Variants in TLN2 observed in about 807,000 individuals in gnomAD.
TLN2 encodes talin 2.
A neutral mutation model predicts 294.7 loss-of-function variants in TLN2; 118 were observed. That is an observed-to-expected ratio of 0.40 (90% CI 0.34 to 0.47). TLN2 has a LOEUF of 0.47. Among genes scored for constraint, TLN2 ranks in the 20% least tolerant of loss-of-function variants. The probability of loss-of-function intolerance (pLI) is 0.84; values close to 1 mark genes in which losing one functional copy is unlikely to be tolerated. For synonymous variants in TLN2, 1,431 were observed against 1,304.5 expected, an observed-to-expected ratio of 1.10 and a Z score of -2.09; for missense variants, 3,083 against 3,282.2, an observed-to-expected ratio of 0.94 and a Z score of 1.48.
chr15:62,671,298 A>AT (rs1217695382), intron 9 of TLN2, among the ~76,000 whole-genome samples: 5 of 151,880 alleles, frequency 3.3e-5, no homozygotes, highest in Middle Eastern at 3.4e-3. Flanking sequence ...AGTCCATTTT[A>AT]TTTTTTTTCT....
At chr15:62,739,283 C>G in intron 30 of TLN2, 65 bp from the exon 31 acceptor site, 1 of 1,530,836 alleles carries the variant, frequency 6.5e-7, no homozygotes. Flanking sequence ...TTCCACAATA[C>G]CTTCCTTTTA....
intron 1 of TLN2, among the ~76,000 whole-genome samples, chr15:62,516,091 C>G (rs117841305): frequency 0.02 from 3,004 of 152,306 alleles, 33 homozygotes; most frequent in Non-Finnish European, 0.028. Flanking sequence ...ATGCAACCAT[C>G]TCTTTTTACA....
chr15:62,726,645 G>A (rs16945577), intron 27 of TLN2, among the ~76,000 whole-genome samples: 51,309 of 152,042 alleles, frequency 0.34, 9,011 homozygotes, highest in East Asian at 0.42. Flanking sequence ...GGAAGGTGGT[G>A]CAGCTGGATG....
rs1220866636 is a variant in TLN2, at chr15:62,492,569, G to GA, written c.-237-97110dup. Among the ~76,000 whole-genome samples the GA allele has an allele frequency of 1.8e-3, 258 of 145,786 alleles. 2 individuals are homozygous for GA. Among genetic ancestry groups the GA allele is most frequent in the African/African-American group, 6.2e-3 (245 of 39,722 alleles). ...AAAAAAAAAAAAAAAAAGAAAAAAA[G>GA]AAAAAAAACTATTCCAATAATCCCA... On this transcript the variant is annotated intron_variant, in intron 1 of 58. Coordinates refer to ENST00000636159, the MANE Select transcript of TLN2 (RefSeq NM_015059.3).
At chr15:62,651,926 A>G in intron 5 of TLN2, 79 bp from the exon 6 acceptor site, 2 of 1,430,580 alleles carry the variant, frequency 1.4e-6, no homozygotes, top group Non-Finnish European at 1.9e-6. Flanking sequence ...TTTAAAATTC[A>G]TTTTTTAAAG....
At chr15:62,548,301 G>C (rs546115748) in intron 1 of TLN2, among the ~76,000 whole-genome samples, 2 of 152,272 alleles carry the variant, frequency 1.3e-5, no homozygotes, top group African/African-American at 4.8e-5. Flanking sequence ...GACAGTTATA[G>C]AGTCTTACAA....
Position 62,763,608 on chromosome 15 carries a change from C to T in TLN2, c.5007C>T (p.Gly1669=), listed in dbSNP as rs1197078990. 1 of 1,613,740 alleles carries T rather than the reference C, an allele frequency of 6.2e-7. No individual in the cohort carries two copies. The highest frequency in any genetic ancestry group is 8.5e-7 in the Non-Finnish European group (1 of 1,179,880). ...GGGAGTGTGATTACTCCATCGATGGCATCAACCGGTGCATCCGGGACATCG... is the reference window on the plus strand; with the variant it reads ...GGGAGTGTGATTACTCCATCGATGGTATCAACCGGTGCATCCGGGACATCG... The part of the protein sequence containing the change: ...GQRECDYSID[G]INRCIRDIEQ... Residue 1669 remains glycine, a synonymous_variant, in exon 40 of 59, where the codon GGC becomes GGT. Coordinates refer to ENST00000636159, the MANE Select transcript of TLN2 (RefSeq NM_015059.3).
intron 1 of TLN2, among the ~76,000 whole-genome samples, chr15:62,398,462 A>T (rs184922786): frequency 9.7e-4 from 147 of 152,326 alleles, no homozygotes; most frequent in Non-Finnish European, 1.6e-3. Context: ...TGCTATAAAG[A>T]TACCTAAAAA....
chr15:62,418,399 G>C (rs1413234389), intron 1 of TLN2, among the ~76,000 whole-genome samples: 1 of 152,224 alleles, frequency 6.6e-6, no homozygotes, highest in African/African-American at 2.4e-5. Flanking sequence ...GAAAGCATTT[G>C]GTGTGGAATA....
At chr15:62,710,442 A>C (rs1293980391) in intron 21 of TLN2, among the ~76,000 whole-genome samples, 1 of 152,244 alleles carries the variant, frequency 6.6e-6, no homozygotes, top group Admixed American at 6.5e-5. Context: ...GTATCCTTAA[A>C]TAATTTAACA....
At chr15:62,670,981 C>T (rs1014693614) in intron 9 of TLN2, among the ~76,000 whole-genome samples, 3 of 152,130 alleles carry the variant, frequency 2.0e-5, no homozygotes, top group East Asian at 1.9e-4. Flanking sequence ...GCCATCCTCG[C>T]GGGTATGTAT....
intron 52 of TLN2, among the ~76,000 whole-genome samples, chr15:62,814,257 G>A (rs1216650244): frequency 2.0e-5 from 3 of 152,192 alleles, no homozygotes; most frequent in Admixed American, 1.3e-4. Flanking sequence ...GCTGAAAGAA[G>A]GGGAATACAA....
At chr15:62,427,517 A>G (rs538942264) in intron 1 of TLN2, among the ~76,000 whole-genome samples, 36 of 152,076 alleles carry the variant, frequency 2.4e-4, no homozygotes, top group Middle Eastern at 3.4e-3. Context: ...GGGGGTATGG[A>G]GTTGGGGTGA....
chr15:62,810,607 G>A (rs753465137), intron 52 of TLN2, among the ~76,000 whole-genome samples: 28 of 152,096 alleles, frequency 1.8e-4, no homozygotes, highest in Non-Finnish European at 3.1e-4. Flanking sequence ...CAGGGGTGTA[G>A]ATAGTCATGG....
At chr15:62,771,185 T>C (rs746545409) in intron 42 of TLN2, 51 bp downstream of exon 42, 8 of 1,523,760 alleles carry the variant, frequency 5.3e-6, no homozygotes, top group Non-Finnish European at 5.3e-6. Context: ...GAAGCCATCA[T>C]GCATTCCTGC....
At chr15:62,678,264 A>G (rs1240499325) in intron 11 of TLN2, among the ~76,000 whole-genome samples, 1 of 152,214 alleles carries the variant, frequency 6.6e-6, no homozygotes, top group African/African-American at 2.4e-5. Context: ...TTATGTGACC[A>G]TAGTTTGCCT....
chr15:62,496,530 T>TCTG (rs10633453), intron 1 of TLN2, among the ~76,000 whole-genome samples: 89,205 of 151,606 alleles, frequency 0.59, 26,941 homozygotes, highest in African/African-American at 0.74. Context: ...CTTCCCGTCT[T>TCTG]GGAGCTTATC....
chr15:62,737,992 G>A (rs920099239), intron 29 of TLN2, among the ~76,000 whole-genome samples: 4 of 152,228 alleles, frequency 2.6e-5, no homozygotes, highest in East Asian at 1.9e-4. Context: ...TCACTGTGTC[G>A]GACCCTTTGC....
chr15:62,805,177 T>C (rs1333814504), intron 50 of TLN2, among the ~76,000 whole-genome samples: 1 of 151,928 alleles, frequency 6.6e-6, no homozygotes, highest in Non-Finnish European at 1.5e-5. Flanking sequence ...GAGTCCTGAG[T>C]GATGGGGCCA....
Sources: allele counts gnomAD v4.1 joint callset (sites outside exome capture counted in the v4.1 genomes callset), GRCh38; gene constraint gnomAD v4.1.1; transcripts MANE v1.5; gene names NCBI Gene and HGNC (gene_info 2026-07-23, HGNC 2026-07-21).